Variants in GXYLT2 observed in about 807,000 individuals in gnomAD.
GXYLT2 encodes glycosyltransferase 8 domain containing 4.
In GXYLT2, 53 loss-of-function variants were observed where a neutral mutation model predicts 45.8. The observed-to-expected ratio is 1.16, with a 90% CI of 0.93 to 1.46. GXYLT2 has a LOEUF of 1.46. Among genes scored for constraint, GXYLT2 ranks in the 40% most tolerant of loss-of-function variants. The probability of loss-of-function intolerance (pLI) is 0.00; values close to 1 mark genes in which losing one functional copy is unlikely to be tolerated. For synonymous variants in GXYLT2, 219 were observed against 214.2 expected (o/e 1.02, Z -0.19); for missense variants, 551 against 544.4 (o/e 1.01, Z -0.12).
At chr3:72,898,626 C>A (rs148358102) in intron 1 of GXYLT2, among the ~76,000 whole-genome samples, 79 of 152,292 alleles carry the variant, frequency 5.2e-4, no homozygotes, top group African/African-American at 1.9e-3. Context: ...TTGTGGAGAT[C>A]GTTCCCTGCA....
At chr3:72,955,413 T>G in intron 4 of GXYLT2, 64 bp downstream of exon 4, 1 of 1,531,284 alleles carries the variant, frequency 6.5e-7, no homozygotes. Flanking sequence ...ACAGTGGCAC[T>G]ACCAGAGTGT....
intron 3 of GXYLT2, among the ~76,000 whole-genome samples, chr3:72,954,520 G>A (rs957134153): frequency 2.0e-5 from 3 of 150,770 alleles, no homozygotes; most frequent in African/African-American, 7.3e-5. Flanking sequence ...AAGATGGAGA[G>A]TATTTACCCC....
chr3:72,924,192 CTTTTTT>C (rs10635700), intron 3 of GXYLT2, among the ~76,000 whole-genome samples: 59 of 136,764 alleles, frequency 4.3e-4, no homozygotes, highest in Non-Finnish European at 7.5e-4. Context: ...TGGTCTTTGT[CTTTTTT>C]TTTTTTTTTT....
At chr3:72,963,511 T>TTG (rs994709676) in intron 5 of GXYLT2, among the ~76,000 whole-genome samples, 1 of 150,658 alleles carries the variant, frequency 6.6e-6, no homozygotes, top group Non-Finnish European at 1.5e-5. Flanking sequence ...TTTTTTGTTT[T>TTG]TTTTTTTTTG....
At chr3:72,934,671 A>G (rs537271071) in intron 3 of GXYLT2, among the ~76,000 whole-genome samples, 42 of 152,294 alleles carry the variant, frequency 2.8e-4, no homozygotes, top group African/African-American at 1.0e-3. Context: ...TTGGAATTTG[A>G]TTCTCCCTTG....
chr3:72,892,306 T>C (rs1709198228), intron 1 of GXYLT2, among the ~76,000 whole-genome samples: 1 of 152,234 alleles, frequency 6.6e-6, no homozygotes, highest in African/African-American at 2.4e-5. Flanking sequence ...CTAGCGCTCT[T>C]ACTGATTACT....
In GXYLT2 at chr3:72,955,046, G is replaced by T; in HGVS notation, c.601-52G>T. On this transcript the variant is annotated intron_variant, in intron 3 of 6. Coordinates refer to ENST00000389617, the MANE Select transcript of GXYLT2 (RefSeq NM_001080393.2). ...CTTCCTTTGTTTCTGACCTGTTTTT[G>T]TTTTGTTTTCTTCCCTCCTCTCCCC... is the stretch of plus-strand genomic sequence containing the variant. 6.3e-6 allele frequency: 10 copies of T among 1,583,486 alleles called. No homozygotes were observed. In the Admixed American group the frequency reaches 1.1e-4, roughly 17 times the overall value.
At chr3:72,956,605 A>C (rs1710653445) in intron 4 of GXYLT2, among the ~76,000 whole-genome samples, 2 of 152,100 alleles carry the variant, frequency 1.3e-5, no homozygotes, top group Admixed American at 1.3e-4. Context: ...GTTGAGAAAG[A>C]CTTCGCCTCT....
chr3:72,935,569 C>G (rs1361588199), intron 3 of GXYLT2, among the ~76,000 whole-genome samples: 1 of 152,046 alleles, frequency 6.6e-6, no homozygotes, highest in Non-Finnish European at 1.5e-5. Context: ...ACTGAACTTT[C>G]AGAACAACAG....
intron 5 of GXYLT2, among the ~76,000 whole-genome samples, chr3:72,962,863 C>CA (rs1466687470): frequency 1.3e-5 from 2 of 150,520 alleles, no homozygotes; most frequent in Non-Finnish European, 1.5e-5. Flanking sequence ...AAAGCCTTCT[C>CA]AAAAAAAGTA....
chr3:72,954,682 A>G (rs1710600149), intron 3 of GXYLT2, among the ~76,000 whole-genome samples: 1 of 151,760 alleles, frequency 6.6e-6, no homozygotes, highest in Non-Finnish European at 1.5e-5. Flanking sequence ...ATAAATAGAG[A>G]TTGTCCACTT....
chr3:72,929,665 G>A, intron 3 of GXYLT2: 1 of 715,222 alleles, frequency 1.4e-6, no homozygotes, highest in South Asian at 1.5e-5. Flanking sequence ...CATGCATGTT[G>A]GGGTTTCCTT....
Position 72,918,017 on chromosome 3 carries a change from G to A in GXYLT2, c.469-4187G>A, listed in dbSNP as rs773023218. Among the ~76,000 whole-genome samples, 9 of 152,024 alleles carry A rather than the reference G, an allele frequency of 5.9e-5. No homozygotes were observed. In the East Asian group the frequency reaches 9.7e-4, roughly 16 times the overall value. ...AGTTGACCAATGTTTCCTGGAAAAC[G>A]CCAGATAGTAACTATTTTAGGCTTT... is the stretch of plus-strand genomic sequence containing the variant. On this transcript the variant is annotated intron_variant, in intron 2 of 6. Transcript: ENST00000389617.
At chr3:72,947,377 G>A (rs1293029989) in intron 3 of GXYLT2, among the ~76,000 whole-genome samples, 1 of 151,880 alleles carries the variant, frequency 6.6e-6, no homozygotes, top group African/African-American at 2.4e-5. Flanking sequence ...AGGCCCTGGA[G>A]CCAAAAAAAA....
chr3:72,918,833 G>GA (rs199936585), intron 2 of GXYLT2, among the ~76,000 whole-genome samples: 6 of 147,874 alleles, frequency 4.1e-5, no homozygotes, highest in South Asian at 2.2e-4. Flanking sequence ...GTCTCAAAAA[G>GA]AAAAAAAAAA....
chr3:72,962,237 T>G (rs933145246), intron 5 of GXYLT2, among the ~76,000 whole-genome samples: 1 of 152,194 alleles, frequency 6.6e-6, no homozygotes, highest in Non-Finnish European at 1.5e-5. Flanking sequence ...TCTAGGAAAC[T>G]GGTAACAAAT....
At position 72,888,276 on chromosome 3, in the gene GXYLT2, C is replaced by G. The variant is rs1446044780; in HGVS notation, c.43C>G (p.Leu15Val). The G allele has an allele frequency of 4.9e-5, 49 of 994,484 alleles. No homozygotes were observed. Among genetic ancestry groups the G allele is most frequent in the Admixed American group, 1.2e-4 (2 of 16,268 alleles). 61.6% of individuals were successfully genotyped at this position (994,484 alleles called of 1,614,324 possible). Reference sequence around the variant, plus strand: ...GGCGGCGGCGCTGCTCTTGCTCGCGCTGGCCGCGCTGCTGCTGGCGCTGCT... The same window carrying G: ...GGCGGCGGCGCTGCTCTTGCTCGCGGTGGCCGCGCTGCTGCTGGCGCTGCT... ...SKAAALLLLA[L>V]AALLLALLSL... Residue 15 changes from leucine to valine, a missense_variant, in exon 1 of 7, where the codon CTG becomes GTG. Leu to Val is a conservative substitution (Grantham distance 32). Coordinates refer to ENST00000389617, the MANE Select transcript of GXYLT2 (RefSeq NM_001080393.2).
chr3:72,899,084 G>A (rs1463143334), intron 1 of GXYLT2, among the ~76,000 whole-genome samples: 1 of 152,170 alleles, frequency 6.6e-6, no homozygotes, highest in Non-Finnish European at 1.5e-5. Context: ...ACAACATAAA[G>A]ATTAAAGGCA....
intron 1 of GXYLT2, among the ~76,000 whole-genome samples, chr3:72,890,137 T>C (rs1709156407): frequency 6.6e-6 from 1 of 152,070 alleles, no homozygotes; most frequent in African/African-American, 2.4e-5. Flanking sequence ...GGCCAGGAAC[T>C]CCTGAGCCCA....
Sources: gnomAD v4.1 joint callset for allele counts (sites outside exome capture counted in the v4.1 genomes callset) on GRCh38, gnomAD v4.1.1 for gene constraint, MANE v1.5 for transcripts, NCBI Gene and HGNC (gene_info 2026-07-23, HGNC 2026-07-21) for gene names.